The following CASKIN2 variants were observed in gnomAD, a reference collection of about 807,000 sequenced individuals.
CASKIN2 encodes the protein caskin-2.
CASKIN2 carries 41 observed loss-of-function variants against 107.1 expected under a neutral mutation model. The observed-to-expected ratio is 0.38, with a 90% CI of 0.30 to 0.50. The LOEUF is 0.50. Among genes scored for constraint, CASKIN2 ranks in the 20% least tolerant of loss-of-function variants. CASKIN2 has a pLI of 0.92. For synonymous variants in CASKIN2, 724 were observed against 705.6 expected (o/e 1.03, Z -0.41); for missense variants, 1,546 against 1,657.4 (o/e 0.93, Z 1.17).
intron 2 of CASKIN2, among the ~76,000 whole-genome samples, chr17:75,510,826 A>C (rs566515862): frequency 3.9e-5 from 6 of 152,130 alleles, no homozygotes; most frequent in African/African-American, 1.4e-4. Flanking sequence ...TCCTAGGCTA[A>C]CTAGGAGTCC....
chr17:75,506,725 A>G lies in CASKIN2; in HGVS notation c.487-12T>C. 6.2e-7 allele frequency: 1 copy of G among 1,613,606 alleles called. No homozygotes were observed. The highest frequency in any genetic ancestry group is 8.5e-7 in the Non-Finnish European group (1 of 1,179,974). ...AGCAGCTGGGCCACCTGCAGCACCC[A>G]GTGCCCAGTTAGAGCCTCCTCCTGA... On this transcript the variant is annotated splice_polypyrimidine_tract_variant and intron_variant, in intron 6 of 19. Transcript: ENST00000321617. The surrounding 1 kb of genome is among the most constrained non-coding windows in gnomAD (Gnocchi z 4.8).
At position 75,502,892 on chromosome 17, in the gene CASKIN2, G is replaced by T. The variant is rs752039351; in HGVS notation, c.2182C>A (p.Gln728Lys). Residue 728 changes from glutamine to lysine, a missense_variant, in exon 18 of 20, where the codon CAG (glutamine) becomes AAG (lysine). Around this residue, in one of 6 missense-constraint regions of CASKIN2, gnomAD observed 1,311 missense variants for 1,311.0 expected, o/e 1.00. Transcript: ENST00000321617. This position sits in a 1 kb window ranked among gnomAD's most constrained non-coding sequence, Gnocchi z 4.3. ...QPSGGDPSPPQERNLPEGTER... is the reference protein window; with the variant it reads ...QPSGGDPSPPKERNLPEGTER... Reference sequence around the variant, plus strand: ...GTGCCCTCTGGGAGGTTCCTCTCCTGGGGGGGGCTGGGATCTCCACCGCTG... The same window carrying T: ...GTGCCCTCTGGGAGGTTCCTCTCCTTGGGGGGGCTGGGATCTCCACCGCTG... 1.6e-5 allele frequency: 25 copies of T among 1,539,310 alleles called. No individual in the cohort carries two copies. Among genetic ancestry groups the T allele is most frequent in the South Asian group, 3.8e-5 (3 of 79,526 alleles).
chr17:75,512,761 G>T (rs375814955), intron 2 of CASKIN2, among the ~76,000 whole-genome samples: 1 of 151,970 alleles, frequency 6.6e-6, no homozygotes, highest in South Asian at 2.1e-4. Context: ...TTAGCCAGGC[G>T]TTGTGTCAGG....
Position 75,502,027 on chromosome 17 carries a change from G to A in CASKIN2, c.3047C>T (p.Pro1016Leu), listed in dbSNP as rs955015224. Residue 1016 changes from proline (P) to leucine (L), a missense_variant, in exon 18 of 20, where the codon CCT (proline) becomes CTT (leucine). Pro to Leu is a moderately conservative substitution (Grantham distance 98, BLOSUM62 -3). Transcript: ENST00000321617. This position sits in a 1 kb window ranked among gnomAD's most constrained non-coding sequence, Gnocchi z 4.3. The part of the protein sequence containing the change: ...LLAFGVASAT[P>L]GPAAPLPSPT... Reference sequence around the variant, plus strand: ...GGAAGGCAGTGGGGCAGCGGGGCCAGGCGTGGCACTGGCCACTCCGAAGGC... The same window carrying A: ...GGAAGGCAGTGGGGCAGCGGGGCCAAGCGTGGCACTGGCCACTCCGAAGGC... 1.2e-6 allele frequency: 2 copies of A among 1,612,696 alleles called. No homozygotes were observed. The highest frequency in any genetic ancestry group is 1.7e-6 in the Non-Finnish European group (2 of 1,179,878).
rs904284240 is a variant in CASKIN2, at chr17:75,504,267, C to T, written c.1415G>A (p.Gly472Glu). 1.2e-6 allele frequency: 2 copies of T among 1,606,984 alleles called. No individual in the cohort carries two copies. The highest frequency in any genetic ancestry group is 1.1e-5 in the South Asian group (1 of 89,756). The change falls in exon 14 of 20, where the codon GGG (glycine) becomes GAG (glutamate). Residue 472 changes from glycine (G) to glutamate (E), a missense_variant. By Grantham distance (98) the Gly-to-Glu change is moderately conservative (BLOSUM62 -2). This residue lies in a region of CASKIN2 where 1,311 missense variants were observed against 1,311.0 expected (regional missense o/e 1.00). Coordinates refer to ENST00000321617, the MANE Select transcript of CASKIN2 (RefSeq NM_020753.5). ...CACGTCCTGGGTGAAGATCTGCTCC[C>T]CAGAGCGGCAGTTGGCCAGAGGGCG... ...SHRPLANCRS[G>E]EQIFTQDVRP...
Position 75,501,835 on chromosome 17 carries a change from T to A in CASKIN2, c.3239A>T (p.Asn1080Ile). 6.4e-7 allele frequency: 1 copy of A among 1,556,732 alleles called. No individual in the cohort carries two copies. Among genetic ancestry groups the A allele is most frequent in the Non-Finnish European group, 8.7e-7 (1 of 1,153,434 alleles). Residue 1080 changes from asparagine to isoleucine, a missense_variant, in exon 18 of 20, where the codon AAT (asparagine) becomes ATT (isoleucine). Asn to Ile is a moderately radical substitution (Grantham distance 149). Around this residue, in one of 6 missense-constraint regions of CASKIN2, gnomAD observed 1,311 missense variants for 1,311.0 expected, o/e 1.00. Coordinates refer to ENST00000321617, the MANE Select transcript of CASKIN2 (RefSeq NM_020753.5). Reference protein sequence around the residue: ...GLESSAASRWNGETEPPAAPA... With the variant: ...GLESSAASRWIGETEPPAAPA... ...GGCGGCCGGGGGTTCTGTCTCCCCA[T>A]TCCACCGACTAGCTGCTGAGCTTTC... is the stretch of plus-strand genomic sequence containing the variant.
In CASKIN2 at chr17:75,513,752, C is replaced by A. The variant is rs760403587; in HGVS notation, c.53G>T (p.Gly18Val). 7 of 1,613,876 alleles carry A rather than the reference C, an allele frequency of 4.3e-6. No individual in the cohort carries two copies. In the South Asian group the frequency reaches 7.7e-5, roughly 18 times the overall value. Reference protein sequence around the residue: ...ILAVKNGDVTGVQKLVAKVKA... With the variant: ...ILAVKNGDVTVVQKLVAKVKA... ...GACCTTCGCCACCAGTTTCTGCACA[C>A]CGGTCACATCTCCATTCTTGACGGC... Residue 18 changes from glycine to valine, a missense_variant, in exon 2 of 20, where the codon GGT (glycine) becomes GTT (valine). This residue lies in a region of CASKIN2 where 136 missense variants were observed against 198.6 expected (regional missense o/e 0.68). Transcript: ENST00000321617.
rs1041459863 is a variant in CASKIN2, at chr17:75,500,934, C to A, written c.*146G>T. 1 of 731,160 alleles carries A rather than the reference C, an allele frequency of 1.4e-6. No homozygotes were observed. The highest frequency in any genetic ancestry group is 1.7e-5 in the South Asian group (1 of 59,090). 45.3% of individuals were successfully genotyped at this position (731,160 alleles called of 1,614,324 possible). On this transcript the variant is annotated 3_prime_UTR_variant, in exon 20 of 20. Coordinates refer to ENST00000321617, the MANE Select transcript of CASKIN2 (RefSeq NM_020753.5). ...CCACAAGAGCTGTGGTGCCCACAGC[C>A]GCGGGCTGAGTGGGAAGGGGCCCTG...
rs772351932 is a variant in CASKIN2 at position 75,506,960 on chromosome 17, G to A, written c.390+24C>T. The A allele has an allele frequency of 2.5e-6, 4 of 1,612,792 alleles. No homozygotes were observed. Among genetic ancestry groups the A allele is most frequent in the African/African-American group, 1.3e-5 (1 of 75,028 alleles). ...GGCACCCCACCCTGCCCTGCGCCAC[G>A]CCCCTGTGGGCAGCCTCACGTACCA... On this transcript the variant is annotated intron_variant, in intron 5 of 19. Transcript: ENST00000321617. The surrounding 1 kb of genome is among the most constrained non-coding windows in gnomAD (Gnocchi z 4.8).
rs574943119 is a variant in CASKIN2, at chr17:75,507,078, C to T, written c.296G>A (p.Arg99Lys). ...AGCCGCAGAGGCGCGCAGCAGCAGC[C>T]TCACAGGCTCCAGCCGGCCCTGCCA... ...AAWQGRLEPV[R>K]LLLRASAAVN... is the part of the protein sequence containing the mutation. The change falls in exon 5 of 20, where the codon AGG becomes AAG. Residue 99 changes from arginine (R) to lysine (K), a missense_variant. Physicochemically the swap from Arg to Lys is conservative, Grantham distance 26. This residue lies in a region of CASKIN2 where 136 missense variants were observed against 198.6 expected (regional missense o/e 0.68). Coordinates refer to ENST00000321617, the MANE Select transcript of CASKIN2 (RefSeq NM_020753.5). 6 of 1,611,740 alleles carry T rather than the reference C, an allele frequency of 3.7e-6. No individual in the cohort carries two copies. The East Asian group carries it at 1.3e-4, about 36-fold the overall frequency.
In CASKIN2 at chr17:75,505,560, G is replaced by C. The variant is rs2053256255; in HGVS notation, c.927C>G (p.Ile309Met). ...ATGCCTGCTTGGGGTCCCTCACCGT[G>C]ATGACATCCCCTGCCCGGACATTGA... Reference protein sequence around the residue: ...TALNVRAGDVITVLEQHPDGR... With the variant: ...TALNVRAGDVMTVLEQHPDGR... Residue 309 changes from isoleucine to methionine, a missense_variant, in exon 10 of 20, where the codon ATC becomes ATG. Ile to Met is a conservative substitution (Grantham distance 10). Around this residue, in one of 6 missense-constraint regions of CASKIN2, gnomAD observed 1,311 missense variants for 1,311.0 expected, o/e 1.00. Transcript: ENST00000321617. The surrounding 1 kb of genome is among the most constrained non-coding windows in gnomAD (Gnocchi z 5.1). 1 of 1,613,342 alleles carries C rather than the reference G, an allele frequency of 6.2e-7. No homozygotes were observed. The highest frequency in any genetic ancestry group is 8.5e-7 in the Non-Finnish European group (1 of 1,179,910).
At chr17:75,504,777 C>A in intron 11 of CASKIN2, 35 bp downstream of exon 11, 1 of 1,589,220 alleles carries the variant, frequency 6.3e-7, no homozygotes, top group Non-Finnish European at 8.6e-7. Context: ...CACACGCCCA[C>A]ACAGTGCCCA....
rs964660423 is a variant in CASKIN2 at position 75,506,095 on chromosome 17, G to GT, written c.727-167dup. ...GGACAAGCTCAAGTTCACTCAGCTA[G>GT]TAAGAGGCAGATCTGGGGTGCCAAT... On this transcript the variant is annotated intron_variant, in intron 8 of 19. Transcript: ENST00000321617. This position sits in a 1 kb window ranked among gnomAD's most constrained non-coding sequence, Gnocchi z 4.8. 1.3e-5 allele frequency among the ~76,000 whole-genome samples: 2 copies of GT among 152,190 alleles called. No individual in the cohort carries two copies. The highest frequency in any genetic ancestry group is 4.8e-5 in the African/African-American group (2 of 41,444).
chr17:75,503,317 GC>G, intron 17 of CASKIN2, 63 bp from the exon 18 acceptor site: 1 of 1,580,928 alleles, frequency 6.3e-7, no homozygotes, highest in Non-Finnish European at 8.6e-7. Flanking sequence ...TCACCGCTGG[GC>G]CCCATACTGT....
At position 75,504,916 on chromosome 17, in the gene CASKIN2, AG is replaced by A; in HGVS notation, c.1087del (p.Leu363CysfsTer71). The A allele has an allele frequency of 4.9e-6, 4 of 809,026 alleles. No individual in the cohort carries two copies. Among genetic ancestry groups the A allele is most frequent in the Admixed American group, 2.2e-5 (1 of 46,096 alleles). The allele number at this position is 809,026 out of a possible 1,614,324, so 50.1% of individuals were successfully genotyped here. A position where few individuals can be genotyped will look rare whatever the true frequency, so the allele number is the denominator to read the frequency against. On this transcript the variant is annotated frameshift_variant, in exon 11 of 20. Coordinates refer to ENST00000321617, the MANE Select transcript of CASKIN2 (RefSeq NM_020753.5). LOFTEE classifies it high-confidence loss of function. ...CGGTGTCCGGGAGAAGCCTGGGCGC[AG>A]GGGGGTGGGTGCGGAGGGGAGGCGG... ...AARLPSAPTP[L>X]RPGFSRTPQP... is the part of the protein sequence containing the mutation.
At chr17:75,508,475 G>A (rs577071364) in intron 2 of CASKIN2, among the ~76,000 whole-genome samples, 190 bp from the exon 3 acceptor site, 423 of 151,198 alleles carry the variant, frequency 2.8e-3, no homozygotes, top group Non-Finnish European at 4.9e-3. Flanking sequence ...GGGCAGTGAG[G>A]GCAGGATGCT....
rs747796092 is a variant in CASKIN2, at chr17:75,503,114, C to T, written c.1960G>A (p.Gly654Arg). The change falls in exon 18 of 20, where the codon GGA becomes AGA. Residue 654 changes from glycine (G) to arginine (R), a missense_variant. Around this residue, in one of 6 missense-constraint regions of CASKIN2, gnomAD observed 1,311 missense variants for 1,311.0 expected, o/e 1.00. Coordinates refer to ENST00000321617, the MANE Select transcript of CASKIN2 (RefSeq NM_020753.5). The stretch of plus-strand genomic sequence containing the variant: ...GGGCCAGCTGTAGCTGGGCCTTCTC[C>T]GTTCTCCAGTCCCTCGATGGCCATC... ...ELMAIEGLEN[G>R]EGPATAGPRL... 1.1e-5 allele frequency: 17 copies of T among 1,606,938 alleles called. No homozygotes were observed. In the East Asian group the frequency reaches 1.6e-4, roughly 15 times the overall value.
Position 75,501,926 on chromosome 17 carries a change from G to C in CASKIN2, c.3148C>G (p.Pro1050Ala). 1 of 1,589,370 alleles carries C rather than the reference G, an allele frequency of 6.3e-7. No individual in the cohort carries two copies. The highest frequency in any genetic ancestry group is 1.1e-5 in the South Asian group (1 of 86,984). Reference sequence around the variant, plus strand: ...GCGGGGCTGGGAGCAAGGGGGGTTGGAACTCCTTGGGCTGGAAGGCTGCTG... The same window carrying C: ...GCGGGGCTGGGAGCAAGGGGGGTTGCAACTCCTTGGGCTGGAAGGCTGCTG... Reference protein sequence around the residue: ...EPSSLPAQGVPTPLAPSPAMQ... With the variant: ...EPSSLPAQGVATPLAPSPAMQ... The change falls in exon 18 of 20, where the codon CCA becomes GCA. Residue 1050 changes from proline (P) to alanine (A), a missense_variant. Physicochemically the swap from Pro to Ala is conservative, Grantham distance 27. Transcript: ENST00000321617.
Position 75,503,124 on chromosome 17 carries a change from T to C in CASKIN2, c.1950A>G (p.Gly650=). The C allele has an allele frequency of 6.2e-7, 1 of 1,606,496 alleles. No homozygotes were observed. The highest frequency in any genetic ancestry group is 8.5e-7 in the Non-Finnish European group (1 of 1,178,134). Residue 650 remains glycine (G), a synonymous_variant, in exon 18 of 20, where the codon GGA becomes GGG. Transcript: ENST00000321617. ...AKGPELMAIE[G]LENGEGPATA... ...TAGCTGGGCCTTCTCCGTTCTCCAG[T>C]CCCTCGATGGCCATCAGCTCCGGAC...
Sources: gnomAD v4.1 joint callset for allele counts (sites outside exome capture counted in the v4.1 genomes callset) on GRCh38, gnomAD v4.1.1 for gene constraint, gnomAD v4.1.1 regional missense constraint, Gnocchi (gnomAD v3.1) non-coding constraint, MANE v1.5 for transcripts, NCBI Gene and HGNC (gene_info 2026-07-23, HGNC 2026-07-21) for gene names.